The following PRKDC variants were observed in gnomAD, a reference collection of about 807,000 sequenced individuals.
PRKDC encodes the protein DNA-dependent protein kinase catalytic subunit.
In PRKDC, 82 loss-of-function variants were observed where a neutral mutation model predicts 486.9. The ratio of observed to expected loss-of-function variants is 0.17; its 90% CI spans 0.14 to 0.20. PRKDC has a LOEUF of 0.20. Ranked by LOEUF, PRKDC falls within the 10% of genes least tolerant of loss-of-function variation. The probability of loss-of-function intolerance (pLI) is 1.00; values close to 1 mark genes in which losing one functional copy is unlikely to be tolerated. For missense variants in PRKDC, 4,504 were observed against 5,038.2 expected, an observed-to-expected ratio of 0.89 and a Z score of 3.21; for synonymous variants, 1,895 against 1,837.0, an observed-to-expected ratio of 1.03 and a Z score of -0.81.
chr8:47,820,321 A>ACCCCCC (rs2087558032), intron 66 of PRKDC, among the ~76,000 whole-genome samples: 1 of 152,122 alleles, frequency 6.6e-6, no homozygotes, highest in Non-Finnish European at 1.5e-5. Flanking sequence ...GAATCACTTG[A>ACCCCCC]ACCAGATTGC....
intron 57 of PRKDC, 100 bp from the exon 58 acceptor site, chr8:47,836,627 A>G: frequency 9.1e-7 from 1 of 1,097,440 alleles, no homozygotes; most frequent in Admixed American, 2.3e-5. Context: ...TAATGGTACC[A>G]TCAGCATATT....
At chr8:47,922,886 G>A (rs1272981109) in intron 21 of PRKDC, among the ~76,000 whole-genome samples, 1 of 152,174 alleles carries the variant, frequency 6.6e-6, no homozygotes, top group Non-Finnish European at 1.5e-5. Flanking sequence ...TGAAAGTTGT[G>A]TCAATTGGTT....
rs373394973 is a variant in PRKDC at position 47,792,328 on chromosome 8, G to C, written c.10670+1962C>G. 6.9e-3 allele frequency among the ~76,000 whole-genome samples: 1,026 copies of C among 148,600 alleles called. 7 individuals carry two copies. The highest frequency in any genetic ancestry group is 0.025 in the South Asian group (117 of 4,676). On this transcript the variant is annotated intron_variant, in intron 74 of 85. Transcript: ENST00000314191. ...GGCTGGAGTGCAGTGGCTTGATCTCGGCTCACTGCAAGCTCCGCCTCCCGG... is the reference window on the plus strand; with the variant it reads ...GGCTGGAGTGCAGTGGCTTGATCTCCGCTCACTGCAAGCTCCGCCTCCCGG...
At chr8:47,849,651 G>A in intron 52 of PRKDC, 148 bp from the exon 53 acceptor site, 5 of 914,362 alleles carry the variant, frequency 5.5e-6, no homozygotes, top group Non-Finnish European at 8.1e-6. Flanking sequence ...AGTAGGTGCT[G>A]GGGATGTCTG....
rs1043397038 is a variant in PRKDC at position 47,865,338 on chromosome 8, G to A, written c.5364-575C>T. Among the ~76,000 whole-genome samples the A allele has an allele frequency of 2.7e-5, 4 of 149,696 alleles. No individual in the cohort carries two copies. In the South Asian group the frequency reaches 6.3e-4, roughly 24 times the overall value. On this transcript the variant is annotated intron_variant, in intron 40 of 85. Transcript: ENST00000314191. ...GAGGCAGAGGGTGCAGTGAGCCGTCGCACCACTGCACTCCAGCCTGGCAAC... is the reference window on the plus strand; with the variant it reads ...GAGGCAGAGGGTGCAGTGAGCCGTCACACCACTGCACTCCAGCCTGGCAAC...
chr8:47,834,367 C>T lies in PRKDC; in HGVS notation c.7981G>A (p.Gly2661Arg), dbSNP rs530594644. 1.2e-5 allele frequency: 19 copies of T among 1,613,740 alleles called. No homozygotes were observed. Among genetic ancestry groups the T allele is most frequent in the East Asian group, 4.5e-5 (2 of 44,878 alleles). The stretch of plus-strand genomic sequence containing the variant: ...TCGACCAGCGGGTCAGTGCTGCTCC[C>T]GGTCAGCCAATCAAATGAGCTTCTT... ...DGRSSFDWLT[G>R]SSTDPLVDHT... Residue 2661 changes from glycine (G) to arginine (R), a missense_variant, in exon 59 of 86, where the codon GGG becomes AGG. This residue lies in a region of PRKDC where 1,592 missense variants were observed against 1,724.6 expected (regional missense o/e 0.92). Transcript: ENST00000314191.
In PRKDC at chr8:47,803,296, G is replaced by T; in HGVS notation, c.9922+10C>A. The T allele has an allele frequency of 6.3e-7, 1 of 1,599,240 alleles. No individual in the cohort carries two copies. Among genetic ancestry groups the T allele is most frequent in the South Asian group, 1.1e-5 (1 of 89,214 alleles). On this transcript the variant is annotated intron_variant, in intron 70 of 85. Coordinates refer to ENST00000314191, the MANE Select transcript of PRKDC (RefSeq NM_006904.7). ...TTTAAGATATAAGTGGATAAAAGCGGTCAACTTACCCAACAAAGAGACTGT... is the reference window on the plus strand; with the variant it reads ...TTTAAGATATAAGTGGATAAAAGCGTTCAACTTACCCAACAAAGAGACTGT...
Position 47,777,823 on chromosome 8 carries a change from T to C in PRKDC, c.11905A>G (p.Asn3969Asp), listed in dbSNP as rs1401076331. 1 of 1,613,930 alleles carries C rather than the reference T, an allele frequency of 6.2e-7. No individual in the cohort carries two copies. Residue 3969 changes from asparagine to aspartate, a missense_variant, in exon 84 of 86, where the codon AAT becomes GAT. Asn to Asp is a conservative substitution (Grantham distance 23). Transcript: ENST00000314191. The part of the protein sequence containing the change: ...MPFRLTRQFI[N>D]LMLPMKETGL... The stretch of plus-strand genomic sequence containing the variant: ...GTTTCTTTCATTGGTAACATCAGAT[T>C]GATAAACTGGCGAGTTAGCCGAAAA...
intron 66 of PRKDC, 43 bp from the exon 67 acceptor site, chr8:47,819,553 T>G (rs2087536110): frequency 5.6e-6 from 6 of 1,070,818 alleles, no homozygotes; most frequent in Non-Finnish European, 7.9e-6. Context: ...ACAAATGCCA[T>G]GTTATAAATC....
At chr8:47,902,215 C>CATT (rs1422219926) in intron 27 of PRKDC, among the ~76,000 whole-genome samples, 1 of 152,150 alleles carries the variant, frequency 6.6e-6, no homozygotes, top group East Asian at 1.9e-4. Flanking sequence ...GGCTGACTTC[C>CATT]ATTTATCCTT....
chr8:47,874,373 AGT>A lies in PRKDC; in HGVS notation c.5363+3349_5363+3350del, dbSNP rs367778673. Among the ~76,000 whole-genome samples the A allele has an allele frequency of 4.0e-3, 602 of 152,336 alleles. 4 individuals are homozygous for A. The highest frequency in any genetic ancestry group is 0.025 in the South Asian group (120 of 4,830). On this transcript the variant is annotated intron_variant, in intron 40 of 85. Transcript: ENST00000314191. The stretch of plus-strand genomic sequence containing the variant: ...ATTACACATTATACACCTGTATCAA[AGT>A]GTGATTATTACACATTATACACATG...
At chr8:47,879,834 C>CTTTTT (rs759336069) in intron 38 of PRKDC, among the ~76,000 whole-genome samples, 176 bp from the exon 39 acceptor site, 40 of 99,222 alleles carry the variant, frequency 4.0e-4, no homozygotes, top group Non-Finnish European at 5.0e-4. Flanking sequence ...TATACCTCAG[C>CTTTTT]TTTTTTTTTT....
chr8:47,820,734 A>C lies in PRKDC; in HGVS notation c.9321T>G (p.Ile3107Met), dbSNP rs2087572929. 6 of 1,552,402 alleles carry C rather than the reference A, an allele frequency of 3.9e-6. No individual in the cohort carries two copies. In the East Asian group the frequency reaches 1.4e-4, roughly 37 times the overall value. The change falls in exon 66 of 86, where the codon ATT (isoleucine) becomes ATG (methionine). Residue 3107 changes from isoleucine (I) to methionine (M), a missense_variant. Ile to Met is a conservative substitution (Grantham distance 10). This residue lies in a region of PRKDC where 1,592 missense variants were observed against 1,724.6 expected (regional missense o/e 0.92). Transcript: ENST00000314191. ...DRAKYYIQNG[I>M]QSFMQNYSSI... ...ATAGTATTACCTGCATAAAACTCTG[A>C]ATGCCATTTTGAATGTAATATTTGG...
chr8:47,933,899 T>C (rs1008727273), intron 15 of PRKDC, 66 bp downstream of exon 15: 28 of 1,452,576 alleles, frequency 1.9e-5, no homozygotes, highest in South Asian at 2.9e-5. Context: ...ATAAGTCTTA[T>C]GTCTAAACTA....
intron 21 of PRKDC, among the ~76,000 whole-genome samples, chr8:47,918,961 C>CTT (rs372583510): frequency 1.4e-5 from 2 of 146,092 alleles, no homozygotes; most frequent in Non-Finnish European, 3.0e-5. Flanking sequence ...GAATAAATTC[C>CTT]TTTTTTTTTT....
chr8:47,895,096 G>A (rs901463967), intron 30 of PRKDC, among the ~76,000 whole-genome samples: 4 of 152,024 alleles, frequency 2.6e-5, no homozygotes, highest in African/African-American at 9.7e-5. Flanking sequence ...AACAGGTGCT[G>A]CACACCTGCA....
rs2087579601 is a variant in PRKDC at position 47,820,929 on chromosome 8, A to C, written c.9126T>G (p.Pro3042=). ...GCTTCAGCTTGCTGCGGATCATGTA[A>C]GGTAGATATGTTTCCTAAGGAACAT... ...SEPFYQETYL[P]YMIRSKLKLL... The change falls in exon 66 of 86, where the codon CCT becomes CCG. Residue 3042 remains proline (P), a synonymous_variant. Transcript: ENST00000314191. 6.3e-7 allele frequency: 1 copy of C among 1,598,324 alleles called. No homozygotes were observed. The highest frequency in any genetic ancestry group is 1.3e-5 in the African/African-American group (1 of 74,854).
Position 47,864,695 on chromosome 8 carries a change from C to G in PRKDC, c.5432G>C (p.Arg1811Pro). The stretch of plus-strand genomic sequence containing the variant: ...AAAGGACTGGCGTGTGAAACTTAGG[C>G]GGGGGTCATCCTTCCTGAACATTTC... ...VYEMFRKDDP[R>P]LSFTRQSFVD... Residue 1811 changes from arginine (R) to proline (P), a missense_variant, in exon 41 of 86, where the codon CGC becomes CCC. Coordinates refer to ENST00000314191, the MANE Select transcript of PRKDC (RefSeq NM_006904.7). The G allele has an allele frequency of 6.2e-7, 1 of 1,606,990 alleles. No individual in the cohort carries two copies. Among genetic ancestry groups the G allele is most frequent in the Non-Finnish European group, 8.5e-7 (1 of 1,176,632 alleles).
At chr8:47,829,773 A>G (rs2087822416) in intron 61 of PRKDC, among the ~76,000 whole-genome samples, 2 of 152,330 alleles carry the variant, frequency 1.3e-5, no homozygotes, top group South Asian at 2.1e-4. Context: ...GAAATCATAA[A>G]AGAATGACAC....
Sources: allele counts gnomAD v4.1 joint callset (sites outside exome capture counted in the v4.1 genomes callset), GRCh38; gene constraint gnomAD v4.1.1; regional missense constraint gnomAD v4.1.1; transcripts MANE v1.5; gene names NCBI Gene and HGNC (gene_info 2026-07-23, HGNC 2026-07-21).